Variants in SNTG1 observed in about 807,000 individuals in gnomAD.
SNTG1 encodes syntrophin gamma 1.
In SNTG1, 39 loss-of-function variants were observed where a neutral mutation model predicts 74.7. The observed-to-expected ratio is 0.52, with a 90% CI of 0.40 to 0.68. SNTG1 has a LOEUF of 0.68. SNTG1 is among the 30% of genes least tolerant of loss of function. SNTG1 has a pLI of 0.00. For missense variants in SNTG1, 685 were observed against 609.5 expected, an observed-to-expected ratio of 1.12 and a Z score of -1.30; for synonymous variants, 254 against 217.1, an observed-to-expected ratio of 1.17 and a Z score of -1.49.
intron 17 of SNTG1, among the ~76,000 whole-genome samples, chr8:50,715,036 C>T (rs1040230943): frequency 6.6e-6 from 1 of 152,074 alleles, no homozygotes; most frequent in Non-Finnish European, 1.5e-5. Flanking sequence ...TTCCATGATT[C>T]TAAAAAAGTT....
At chr8:50,101,664 C>T (rs1414654426) in intron 1 of SNTG1, among the ~76,000 whole-genome samples, 1 of 151,846 alleles carries the variant, frequency 6.6e-6, no homozygotes, top group Non-Finnish European at 1.5e-5. Flanking sequence ...CACATTAACT[C>T]GTCATTTAGC....
intron 1 of SNTG1, among the ~76,000 whole-genome samples, chr8:50,030,357 A>C (rs1004010562): frequency 1.3e-5 from 2 of 151,812 alleles, no homozygotes; most frequent in African/African-American, 4.8e-5. Context: ...ATGTGATCCT[A>C]TTTGTCCATT....
chr8:50,708,699 A>G, intron 16 of SNTG1, 187 bp from the exon 17 acceptor site: 1 of 560,606 alleles, frequency 1.8e-6, no homozygotes, highest in Non-Finnish European at 3.2e-6. Context: ...GTTAAATAAA[A>G]CCCAACACTC....
At chr8:50,421,050 GGA>G (rs67118334) in intron 4 of SNTG1, among the ~76,000 whole-genome samples, 18,511 of 57,000 alleles carry the variant, frequency 0.32, 6,223 homozygotes, top group East Asian at 0.44. Flanking sequence ...GGTGGGCGGG[GGA>G]GGGGGGGGCG....
intron 1 of SNTG1, among the ~76,000 whole-genome samples, chr8:50,108,243 A>C (rs1212123674): frequency 6.6e-6 from 1 of 152,226 alleles, no homozygotes; most frequent in Non-Finnish European, 1.5e-5. Context: ...AATAACAGCA[A>C]CAAATGAACA....
At chr8:50,576,827 A>G (rs966457340) in intron 12 of SNTG1, among the ~76,000 whole-genome samples, 1 of 152,098 alleles carries the variant, frequency 6.6e-6, no homozygotes, top group Non-Finnish European at 1.5e-5. Flanking sequence ...TAGTTTTCTA[A>G]TTTATTAATT....
At chr8:50,293,417 C>A in intron 2 of SNTG1, among the ~76,000 whole-genome samples, 1 of 118,662 alleles carries the variant, frequency 8.4e-6, no homozygotes, top group South Asian at 2.8e-4. Flanking sequence ...TTTTTTTTTT[C>A]TTTTTTTTTT....
chr8:50,663,442 A>G (rs1421173245), intron 15 of SNTG1, among the ~76,000 whole-genome samples: 1 of 152,114 alleles, frequency 6.6e-6, no homozygotes, highest in African/African-American at 2.4e-5. Flanking sequence ...CTTCTGGTCA[A>G]CCAGGGCATG....
intron 11 of SNTG1, among the ~76,000 whole-genome samples, chr8:50,542,013 A>G (rs148558746): frequency 1.7e-4 from 26 of 150,782 alleles, no homozygotes; most frequent in African/African-American, 6.1e-4. Flanking sequence ...TTTGTTTTTC[A>G]TGGATGAATA....
chr8:50,261,903 A>G (rs1163159082), intron 2 of SNTG1, among the ~76,000 whole-genome samples: 1 of 152,160 alleles, frequency 6.6e-6, no homozygotes, highest in African/African-American at 2.4e-5. Flanking sequence ...TTATAAATAT[A>G]TCATATATGA....
chr8:50,044,643 G>C (rs1310048689), intron 1 of SNTG1, among the ~76,000 whole-genome samples: 1 of 152,152 alleles, frequency 6.6e-6, no homozygotes, highest in African/African-American at 2.4e-5. Context: ...AACTCTGCAA[G>C]AGAACTATAG....
rs534624537 is a variant in SNTG1, at chr8:50,692,725, C to T, written c.1039-11875C>T. Among the ~76,000 whole-genome samples, 55 of 152,272 alleles carry T rather than the reference C, an allele frequency of 3.6e-4. No homozygotes were observed. In the South Asian group the frequency reaches 6.8e-3, roughly 19 times the overall value. ...GACCCACTTGAGGAGGCAGTCTGCC[C>T]GTTCTCAGATCTCAAGCTGCATTCT... On this transcript the variant is annotated intron_variant, in intron 15 of 18. Coordinates refer to ENST00000642720, the MANE Select transcript of SNTG1 (RefSeq NM_018967.5).
chr8:50,039,878 C>G (rs928771224), intron 1 of SNTG1, among the ~76,000 whole-genome samples: 2 of 152,074 alleles, frequency 1.3e-5, no homozygotes, highest in African/African-American at 4.8e-5. Flanking sequence ...ATTGACTGCC[C>G]GGGGTGTGGA....
chr8:50,491,559 C>T (rs1411348660), intron 8 of SNTG1: 1 of 152,270 alleles, frequency 6.6e-6, no homozygotes, highest in Non-Finnish European at 1.5e-5. Flanking sequence ...TCAGCAGCCC[C>T]TTAGCTCCCA....
At chr8:50,301,938 C>A (rs1055472684) in intron 2 of SNTG1, among the ~76,000 whole-genome samples, 14 of 151,860 alleles carry the variant, frequency 9.2e-5, no homozygotes, top group Non-Finnish European at 1.8e-4. Flanking sequence ...TTCACTGCAA[C>A]CTCCGCCTCC....
At chr8:50,350,403 A>G (rs904719597) in intron 2 of SNTG1, among the ~76,000 whole-genome samples, 1 of 152,200 alleles carries the variant, frequency 6.6e-6, no homozygotes, top group African/African-American at 2.4e-5. Context: ...GGGGACTTCA[A>G]GAACCTTTAT....
At chr8:50,642,479 C>T (rs2095079757) in intron 13 of SNTG1, among the ~76,000 whole-genome samples, 1 of 152,172 alleles carries the variant, frequency 6.6e-6, no homozygotes. Flanking sequence ...ACTGAAGGCA[C>T]ATTCCATTTT....
chr8:50,159,678 G>A (rs1167729105), intron 1 of SNTG1, among the ~76,000 whole-genome samples: 1 of 152,134 alleles, frequency 6.6e-6, no homozygotes, highest in Admixed American at 6.5e-5. Context: ...CAGCTTCAAT[G>A]AAACTAAAAG....
At chr8:50,593,948 C>A (rs1442901543) in intron 13 of SNTG1, among the ~76,000 whole-genome samples, 3 of 152,060 alleles carry the variant, frequency 2.0e-5, no homozygotes, top group African/African-American at 7.2e-5. Context: ...AAACTCCCGA[C>A]CTTAAGTGAT....
Sources: allele counts gnomAD v4.1 joint callset (sites outside exome capture counted in the v4.1 genomes callset), GRCh38; gene constraint gnomAD v4.1.1; transcripts MANE v1.5; gene names NCBI Gene and HGNC (gene_info 2026-07-23, HGNC 2026-07-21).